Variants in PITPNC1 observed in about 807,000 individuals in gnomAD.
PITPNC1 encodes cytoplasmic phosphatidylinositol transfer protein 1.
A neutral mutation model predicts 44.7 loss-of-function variants in PITPNC1; 18 were observed. That is an observed-to-expected ratio of 0.40 (90% confidence interval 0.28 to 0.60). PITPNC1 has a LOEUF of 0.60. PITPNC1 is among the 20% of genes least tolerant of loss of function. PITPNC1 has a pLI of 0.39. For synonymous variants in PITPNC1, 141 were observed against 149.6 expected (o/e 0.94, Z 0.42); for missense variants, 290 against 418.4 (o/e 0.69, Z 2.68).
chr17:67,447,728 T>TA (rs542800428), intron 1 of PITPNC1, among the ~76,000 whole-genome samples: 1 of 150,174 alleles, frequency 6.7e-6, no homozygotes, highest in South Asian at 2.1e-4. Flanking sequence ...GCAGAGGTCT[T>TA]ACGCGACAGT....
rs34768084 is a variant in PITPNC1, at chr17:67,403,218, C to CAAA, written c.48+25037_48+25039dup. On this transcript the variant is annotated intron_variant, in intron 1 of 8. Coordinates refer to ENST00000581322, the MANE Select transcript of PITPNC1 (RefSeq NM_012417.4). ...GGCAACACAGTGGACCTCATCTCTACAAAAAAAAAAAAAAAAAAAAAAAGT... is the reference window on the plus strand; with the variant it reads ...GGCAACACAGTGGACCTCATCTCTACAAAAAAAAAAAAAAAAAAAAAAAAAAGT... Among the ~76,000 whole-genome samples, 227 of 68,762 alleles carry CAAA rather than the reference C, an allele frequency of 3.3e-3. 18 individuals carry two copies. Among genetic ancestry groups the CAAA allele is most frequent in the South Asian group, 4.2e-3 (7 of 1,686 alleles). 45.1% of individuals were successfully genotyped at this position (68,762 alleles called of 152,430 possible).
intron 1 of PITPNC1, among the ~76,000 whole-genome samples, chr17:67,487,543 G>A (rs954017674): frequency 2.0e-5 from 3 of 152,192 alleles, no homozygotes; most frequent in South Asian, 2.1e-4. Context: ...AAACAAGCGA[G>A]TGTTTCTCTG....
intron 1 of PITPNC1, among the ~76,000 whole-genome samples, chr17:67,473,225 G>A (rs1301721808): frequency 1.3e-5 from 2 of 151,982 alleles, no homozygotes; most frequent in South Asian, 2.1e-4. Context: ...TTTAGAGATA[G>A]AGTCTCACTA....
chr17:67,515,464 A>G (rs1002950102), intron 1 of PITPNC1, among the ~76,000 whole-genome samples: 2 of 152,342 alleles, frequency 1.3e-5, no homozygotes, highest in Non-Finnish European at 2.9e-5. Flanking sequence ...TGGTAGAGTG[A>G]GCAAAAGAAG....
chr17:67,541,909 C>T (rs796861634), intron 2 of PITPNC1, among the ~76,000 whole-genome samples: 2 of 152,340 alleles, frequency 1.3e-5, no homozygotes, highest in Admixed American at 6.5e-5. Context: ...AGCACACAAA[C>T]CATCTCAGAA....
chr17:67,504,072 G>A (rs1364718594), intron 1 of PITPNC1, among the ~76,000 whole-genome samples: 1 of 152,138 alleles, frequency 6.6e-6, no homozygotes, highest in African/African-American at 2.4e-5. Flanking sequence ...CTTTGGGAGA[G>A]ACAGAGAAAT....
intron 5 of PITPNC1, among the ~76,000 whole-genome samples, chr17:67,626,334 T>G (rs1172202193): frequency 6.6e-6 from 1 of 152,100 alleles, no homozygotes; most frequent in Non-Finnish European, 1.5e-5. Context: ...CCAAAGAACA[T>G]GCAGGAATTA....
In PITPNC1 at chr17:67,694,715, A is replaced by G. The variant is rs1324890489; in HGVS notation, c.*1827A>G. 1 of 152,186 alleles carries G rather than the reference A, an allele frequency of 6.6e-6. No homozygotes were observed. Among genetic ancestry groups the G allele is most frequent in the African/African-American group, 2.4e-5 (1 of 41,448 alleles). The allele number at this position is 152,186 out of a possible 1,614,324, so 9.4% of individuals were successfully genotyped here. ...TCCCTAAGAATGATAGTATCTTAGT[A>G]AGACACCTTCTATGCATGGTATGGA... On this transcript the variant is annotated 3_prime_UTR_variant, in exon 9 of 9. Transcript: ENST00000581322.
At chr17:67,654,642 A>AT (rs1007283104) in intron 6 of PITPNC1, among the ~76,000 whole-genome samples, 6 of 151,750 alleles carry the variant, frequency 4.0e-5, no homozygotes, top group Non-Finnish European at 5.9e-5. Flanking sequence ...AAGTTTTTTG[A>AT]TTTTTTTTGA....
At chr17:67,441,278 C>CT (rs896142252) in intron 1 of PITPNC1, among the ~76,000 whole-genome samples, 4 of 90,404 alleles carry the variant, frequency 4.4e-5, no homozygotes, top group Admixed American at 1.0e-4. Flanking sequence ...ATTTATTAAG[C>CT]CCCCCCCCGC....
chr17:67,446,855 C>T (rs537436229), intron 1 of PITPNC1, among the ~76,000 whole-genome samples: 1 of 151,646 alleles, frequency 6.6e-6, no homozygotes, highest in Admixed American at 6.6e-5. Flanking sequence ...TTTGGGAGGC[C>T]GAGGTGGGTG....
Position 67,378,076 on chromosome 17 carries a change from C to T in PITPNC1, c.-79C>T. ...GAGCGCCGGGCTCCGGGCGCCCTGC[C>T]CTGCGCCTGGGCAGCAGCCTTGCTG... On this transcript the variant is annotated 5_prime_UTR_variant, in exon 1 of 9. Coordinates refer to ENST00000581322, the MANE Select transcript of PITPNC1 (RefSeq NM_012417.4). 2.0e-6 allele frequency: 2 copies of T among 990,626 alleles called. No individual in the cohort carries two copies. The highest frequency in any genetic ancestry group is 2.8e-6 in the Non-Finnish European group (2 of 706,626). 61.4% of individuals were successfully genotyped at this position (990,626 alleles called of 1,614,324 possible). A position where few individuals can be genotyped will look rare whatever the true frequency, so the allele number is the denominator to read the frequency against.
chr17:67,529,356 G>A (rs1469426954), intron 1 of PITPNC1, among the ~76,000 whole-genome samples: 1 of 152,186 alleles, frequency 6.6e-6, no homozygotes, highest in African/African-American at 2.4e-5. Context: ...TGGTCCAGTG[G>A]TGGAAATAGC....
At chr17:67,588,192 C>T (rs145653176) in intron 5 of PITPNC1, among the ~76,000 whole-genome samples, 2,243 of 152,040 alleles carry the variant, frequency 0.015, 60 homozygotes, top group African/African-American at 0.051. Flanking sequence ...TTAGTAGAGA[C>T]GGGATTTCAC....
At chr17:67,443,930 C>T (rs1048679761) in intron 1 of PITPNC1, among the ~76,000 whole-genome samples, 1 of 151,920 alleles carries the variant, frequency 6.6e-6, no homozygotes, top group Non-Finnish European at 1.5e-5. Context: ...TCACTGCGCC[C>T]GGCCGACACT....
chr17:67,587,004 A>C (rs570307011), intron 5 of PITPNC1, among the ~76,000 whole-genome samples: 1 of 152,268 alleles, frequency 6.6e-6, no homozygotes. Flanking sequence ...GGGGCATGAG[A>C]GGGGAACAAA....
intron 1 of PITPNC1, among the ~76,000 whole-genome samples, chr17:67,462,642 T>G (rs2039357313): frequency 6.6e-6 from 1 of 152,072 alleles, no homozygotes. Flanking sequence ...ATTGCTTTCA[T>G]GCAAATGAGG....
intron 6 of PITPNC1, among the ~76,000 whole-genome samples, chr17:67,668,657 A>G (rs1019951276): frequency 1.1e-4 from 17 of 152,086 alleles, no homozygotes; most frequent in Non-Finnish European, 2.2e-4. Context: ...AGGTCAGGAG[A>G]TCGAGACCAT....
intron 1 of PITPNC1, among the ~76,000 whole-genome samples, chr17:67,402,959 G>A (rs555210363): frequency 2.0e-5 from 3 of 152,238 alleles, no homozygotes; most frequent in Non-Finnish European, 2.9e-5. Context: ...GAGCCACCGC[G>A]CCTAGCCTGA....
Sources: gnomAD v4.1 joint callset for allele counts (sites outside exome capture counted in the v4.1 genomes callset) on GRCh38, gnomAD v4.1.1 for gene constraint, MANE v1.5 for transcripts, NCBI Gene and HGNC (gene_info 2026-07-23, HGNC 2026-07-21) for gene names.